Variants in ZDHHC17 observed in about 807,000 individuals in gnomAD.
The protein encoded by ZDHHC17 is palmitoyltransferase ZDHHC17.
Under a neutral mutation model 90.3 loss-of-function variants are expected in ZDHHC17, and 40 were observed. The observed-to-expected ratio is 0.44, with a 90% CI of 0.34 to 0.58. ZDHHC17 has a LOEUF of 0.58. Among genes scored for constraint, ZDHHC17 ranks in the 20% least tolerant of loss-of-function variants. The probability of loss-of-function intolerance (pLI) is 0.01; values close to 1 mark genes in which losing one functional copy is unlikely to be tolerated. For missense variants in ZDHHC17, 614 were observed against 780.8 expected (o/e 0.79, Z 2.55); for synonymous variants, 235 against 252.4 (o/e 0.93, Z 0.65).
chr12:76,850,806 G>C (rs375481690), intron 16 of ZDHHC17, 41 bp from the exon 17 acceptor site: 1 of 1,601,564 alleles, frequency 6.2e-7, no homozygotes, highest in Non-Finnish European at 8.5e-7. Flanking sequence ...TAAATCATTT[G>C]TACTGACTGA....
chr12:76,835,090 G>C (rs1362119674), intron 10 of ZDHHC17, among the ~76,000 whole-genome samples: 2 of 143,256 alleles, frequency 1.4e-5, no homozygotes, highest in African/African-American at 5.2e-5. Flanking sequence ...TTGCTGTGTT[G>C]CCCAGGCTGG....
At chr12:76,834,415 CTG>C (rs1432855801) in intron 10 of ZDHHC17, among the ~76,000 whole-genome samples, 2 of 152,136 alleles carry the variant, frequency 1.3e-5, no homozygotes, top group Non-Finnish European at 1.5e-5. Context: ...AGGATATAAA[CTG>C]TGCAGAATCT....
intron 16 of ZDHHC17, 181 bp downstream of exon 16, chr12:76,849,651 A>G (rs968864322): frequency 2.3e-6 from 1 of 442,538 alleles, no homozygotes; most frequent in East Asian, 4.1e-5. Flanking sequence ...TGTATATAAT[A>G]AAGTTGTGAT....
At chr12:76,814,972 A>C (rs1373747982) in intron 5 of ZDHHC17, among the ~76,000 whole-genome samples, 174 bp from the exon 6 acceptor site, 2 of 152,012 alleles carry the variant, frequency 1.3e-5, no homozygotes, top group East Asian at 3.8e-4. Flanking sequence ...TCACTAGAGT[A>C]TATAGTGACA....
chr12:76,781,133 C>CAAAAAAAAA (rs33935444), intron 1 of ZDHHC17, among the ~76,000 whole-genome samples: 1 of 92,386 alleles, frequency 1.1e-5, no homozygotes, highest in Non-Finnish European at 2.0e-5. Flanking sequence ...GACTCCGTCT[C>CAAAAAAAAA]AAAAAAAAAA....
At chr12:76,803,347 T>C (rs576683815) in intron 2 of ZDHHC17, among the ~76,000 whole-genome samples, 45 of 152,320 alleles carry the variant, frequency 3.0e-4, no homozygotes, top group Non-Finnish European at 4.4e-4. Flanking sequence ...CTTTCCCGCA[T>C]TGTGGAGGTC....
In ZDHHC17 at chr12:76,815,849, CT is replaced by C; in HGVS notation, c.609-4del. ...TTGTTGTTTGTTTTTTTTTTTTTTC[CT>C]TTTCAGTGTGGATCCAACTAGATTG... is the stretch of plus-strand genomic sequence containing the variant. On this transcript the variant is annotated splice_polypyrimidine_tract_variant and splice_region_variant and intron_variant, in intron 6 of 16. Coordinates refer to ENST00000426126, the MANE Select transcript of ZDHHC17 (RefSeq NM_015336.4). 1 of 1,363,150 alleles carries C rather than the reference CT, an allele frequency of 7.3e-7. No individual in the cohort carries two copies. The highest frequency in any genetic ancestry group is 9.5e-7 in the Non-Finnish European group (1 of 1,052,472). 84.4% of individuals were successfully genotyped at this position (1,363,150 alleles called of 1,614,324 possible). A position where few individuals can be genotyped will look rare whatever the true frequency, so the allele number is the denominator to read the frequency against.
rs544698057 is a variant in ZDHHC17, at chr12:76,768,354, G to A, written c.93+4025G>A. Among the ~76,000 whole-genome samples the A allele has an allele frequency of 3.4e-4, 52 of 152,274 alleles. No homozygotes were observed. In the South Asian group the frequency reaches 0.011, roughly 32 times the overall value. ...TTAAGATAAAGTAGCTAGACTAGAT[G>A]ACCTCTAAGATTTCTTCAGACTCAA... is the stretch of plus-strand genomic sequence containing the variant. On this transcript the variant is annotated intron_variant, in intron 1 of 16. Transcript: ENST00000426126.
chr12:76,815,252 A>G (rs754130379), intron 6 of ZDHHC17, 42 bp downstream of exon 6: 4 of 1,342,134 alleles, frequency 3.0e-6, no homozygotes, highest in Non-Finnish European at 4.1e-6. Flanking sequence ...CCATTTCAGC[A>G]TAATACAATA....
chr12:76,787,515 A>G (rs1952702133), intron 1 of ZDHHC17, among the ~76,000 whole-genome samples: 2 of 152,236 alleles, frequency 1.3e-5, no homozygotes, highest in South Asian at 4.1e-4. Context: ...AGGAAAAATA[A>G]TAGGAAATAA....
rs1299753086 is a variant in ZDHHC17 at position 76,852,828 on chromosome 12, T to C, written c.*1843T>C. 1.3e-5 allele frequency: 2 copies of C among 152,640 alleles called. No individual in the cohort carries two copies. The highest frequency in any genetic ancestry group is 4.8e-5 in the African/African-American group (2 of 41,456). 9.5% of individuals were successfully genotyped at this position (152,640 alleles called of 1,614,324 possible). ...GGGGTGGCAATAGCATTGTGCCATTTTGTCATAGAATGTAAAAATTGGTTA... is the reference window on the plus strand; with the variant it reads ...GGGGTGGCAATAGCATTGTGCCATTCTGTCATAGAATGTAAAAATTGGTTA... On this transcript the variant is annotated 3_prime_UTR_variant, in exon 17 of 17. Transcript: ENST00000426126.
rs566530000 is a variant in ZDHHC17 at position 76,801,221 on chromosome 12, C to T, written c.197+3684C>T. 2.0e-5 allele frequency among the ~76,000 whole-genome samples: 3 copies of T among 151,444 alleles called. No individual in the cohort carries two copies. The South Asian group carries it at 6.3e-4, about 32-fold the overall frequency. ...TTCTATATGCCATATAGCTTTTTTT[C>T]CCTCTCATTTCCTGCATTACTGTTT... is the stretch of plus-strand genomic sequence containing the variant. On this transcript the variant is annotated intron_variant, in intron 2 of 16. Transcript: ENST00000426126.
chr12:76,841,932 A>G (rs1404170947), intron 10 of ZDHHC17, 50 bp from the exon 11 acceptor site: 1 of 1,343,044 alleles, frequency 7.4e-7, no homozygotes, highest in Admixed American at 3.5e-5. Flanking sequence ...GTTTATATAT[A>G]ATAGTAATTC....
At chr12:76,796,446 A>G (rs941266348) in intron 1 of ZDHHC17, among the ~76,000 whole-genome samples, 1 of 152,144 alleles carries the variant, frequency 6.6e-6, no homozygotes, top group Non-Finnish European at 1.5e-5. Context: ...ATAGAAAATT[A>G]CAGCATGTAA....
intron 10 of ZDHHC17, among the ~76,000 whole-genome samples, chr12:76,833,251 T>A (rs116724597): frequency 0.028 from 4,255 of 152,302 alleles, 194 homozygotes; most frequent in African/African-American, 0.095. Context: ...TTATTTGATT[T>A]TTTTAAAAAA....
At chr12:76,776,277 T>G (rs1207999873) in intron 1 of ZDHHC17, among the ~76,000 whole-genome samples, 1 of 151,824 alleles carries the variant, frequency 6.6e-6, no homozygotes, top group African/African-American at 2.4e-5. Context: ...TCAGCATGGG[T>G]TTTTTTTAGC....
At chr12:76,805,822 T>C (rs965400133) in intron 3 of ZDHHC17, among the ~76,000 whole-genome samples, 1 of 152,210 alleles carries the variant, frequency 6.6e-6, no homozygotes, top group Non-Finnish European at 1.5e-5. Context: ...TCTGACTTGG[T>C]GTTCACATTC....
At chr12:76,769,312 G>C (rs1214726091) in intron 1 of ZDHHC17, 1 of 160,158 alleles carries the variant, frequency 6.2e-6, no homozygotes, top group Non-Finnish European at 1.4e-5. Context: ...CACCCGCCTC[G>C]GCCTCCCAAA....
chr12:76,811,193 G>A (rs932705255), intron 5 of ZDHHC17, among the ~76,000 whole-genome samples: 25 of 152,198 alleles, frequency 1.6e-4, no homozygotes, highest in Admixed American at 1.3e-3. Flanking sequence ...CCACACAAGG[G>A]TGTGAATACC....
Sources: allele counts gnomAD v4.1 joint callset (sites outside exome capture counted in the v4.1 genomes callset), GRCh38; gene constraint gnomAD v4.1.1; transcripts MANE v1.5; gene names NCBI Gene and HGNC (gene_info 2026-07-23, HGNC 2026-07-21).